The following TRMO variants were observed in gnomAD, a reference collection of about 807,000 sequenced individuals.
TRMO encodes the protein tRNA (adenine(37)-N6)-methyltransferase.
In TRMO, 30 loss-of-function variants were observed where a neutral mutation model predicts 37.2. That is an observed-to-expected ratio of 0.81 (90% CI 0.60 to 1.09). The LOEUF is 1.09. TRMO is among the 50% of genes least tolerant of loss of function. TRMO has a pLI of 0.00. For missense variants in TRMO, 552 were observed against 549.5 expected (o/e 1.00, Z -0.05); for synonymous variants, 239 against 199.4 (o/e 1.20, Z -1.67).
rs867239957 is a variant in TRMO at position 97,904,755 on chromosome 9, G to A, written c.1304C>T (p.Ser435Phe). 6.2e-7 allele frequency: 1 copy of A among 1,613,992 alleles called. No individual in the cohort carries two copies. The highest frequency in any genetic ancestry group is 1.3e-5 in the African/African-American group (1 of 75,006). The change falls in exon 5 of 5, where the codon TCC becomes TTC. Residue 435 changes from serine to phenylalanine, a missense_variant. Ser to Phe is a radical substitution (Grantham distance 155). Transcript: ENST00000375119. ...EPVHMTGPVGSLVSLGS is the reference protein window; with the variant it reads ...EPVHMTGPVGFLVSLGS Reference sequence around the variant, plus strand: ...TCCTTAAGACCCTAGAGACACCAAGGACCCCACAGGGCCAGTCATATGAAC... The same window carrying A: ...TCCTTAAGACCCTAGAGACACCAAGAACCCCACAGGGCCAGTCATATGAAC...
downstream of TRMO, among the ~76,000 whole-genome samples, chr9:97,901,411 TA>T (rs1831167193): frequency 6.6e-6 from 1 of 151,892 alleles, no homozygotes; most frequent in African/African-American, 2.4e-5. Flanking sequence ...TCCCACTTAA[TA>T]AAGGACCAAA....
At chr9:97,916,631 T>C (rs1452277851) in intron 1 of TRMO, among the ~76,000 whole-genome samples, 4 of 151,506 alleles carry the variant, frequency 2.6e-5, no homozygotes. Flanking sequence ...ATACCTACTA[T>C]GACCATAATT....
chr9:97,913,053 T>C (rs895581176), intron 3 of TRMO: 21 of 617,174 alleles, frequency 3.4e-5, no homozygotes, highest in African/African-American at 3.2e-4. Flanking sequence ...GTGTGTTAAA[T>C]TGGAAAGTGT....
intron 4 of TRMO, among the ~76,000 whole-genome samples, chr9:97,908,444 C>T (rs1239335621): frequency 6.6e-6 from 1 of 150,836 alleles, no homozygotes; most frequent in Non-Finnish European, 1.5e-5. Flanking sequence ...AAAATATTAG[C>T]CAGGTGTTGT....
intron 3 of TRMO, chr9:97,912,968 C>T (rs1384306941): frequency 7.7e-7 from 1 of 1,299,208 alleles, no homozygotes; most frequent in African/African-American, 1.5e-5. Flanking sequence ...CTGTCCATTT[C>T]CCCAAGGCTG....
intron 4 of TRMO, among the ~76,000 whole-genome samples, chr9:97,906,228 T>G (rs1026232781): frequency 6.6e-6 from 1 of 152,096 alleles, no homozygotes; most frequent in Non-Finnish European, 1.5e-5. Flanking sequence ...AAAATGGCTC[T>G]GAAGGCCACT....
At chr9:97,909,889 C>T in intron 4 of TRMO, 71 bp downstream of exon 4, 2 of 1,231,992 alleles carry the variant, frequency 1.6e-6, no homozygotes, top group Non-Finnish European at 1.1e-6. Context: ...CCTGCCTTCA[C>T]AAATACCAAA....
chr9:97,900,942 G>T (rs1831155352), downstream of TRMO: 2 of 152,448 alleles, frequency 1.3e-5, no homozygotes, highest in Admixed American at 6.6e-5. Flanking sequence ...CCACATGCTG[G>T]AATAATCAAT....
intron 1 of TRMO, among the ~76,000 whole-genome samples, chr9:97,916,927 T>C (rs1256780024): frequency 6.6e-6 from 1 of 151,638 alleles, no homozygotes; most frequent in African/African-American, 2.4e-5. Flanking sequence ...TTGGTCAGGT[T>C]GGTCTTGAAC....
rs1480960530 is a variant in TRMO, at chr9:97,913,564, G to C, written c.252-6C>G. On this transcript the variant is annotated splice_polypyrimidine_tract_variant and splice_region_variant and intron_variant, in intron 2 of 4. Transcript: ENST00000375119. Reference sequence around the variant, plus strand: ...TGTGAAAAACAAACAAAATCCTATAGAAAACAAAACAAAACAAACCACGGA... The same window carrying C: ...TGTGAAAAACAAACAAAATCCTATACAAAACAAAACAAAACAAACCACGGA... The C allele has an allele frequency of 1.1e-5, 18 of 1,586,536 alleles. No homozygotes were observed. The highest frequency in any genetic ancestry group is 1.5e-5 in the Non-Finnish European group (17 of 1,158,122).
At chr9:97,901,801 A>T (rs1831175573), downstream of TRMO, among the ~76,000 whole-genome samples, 1 of 151,764 alleles carries the variant, frequency 6.6e-6, no homozygotes, top group Non-Finnish European at 1.5e-5. Context: ...TTTCCAAGAC[A>T]TAAAGAAACA....
At position 97,913,407 on chromosome 9, in the gene TRMO, C is replaced by T; in HGVS notation, c.403G>A (p.Val135Ile). 3 of 1,613,884 alleles carry T rather than the reference C, an allele frequency of 1.9e-6. No homozygotes were observed. Among genetic ancestry groups the T allele is most frequent in the Non-Finnish European group, 2.5e-6 (3 of 1,179,922 alleles). ...TAGAAATGAAATGGGTTACCTTCTA[C>T]CTTTTCCAGCTTGGCCAGGGTCAGT... ...IGLTLAKLEKVEGGAIYLSGI... is the reference protein window; with the variant it reads ...IGLTLAKLEKIEGGAIYLSGI... The change falls in exon 3 of 5, where the codon GTA becomes ATA. Residue 135 changes from valine (V) to isoleucine (I), a missense_variant. Physicochemically the swap from Val to Ile is conservative, Grantham distance 29. Coordinates refer to ENST00000375119, the MANE Select transcript of TRMO (RefSeq NM_016481.5).
chr9:97,922,268 T>A (rs1462181738), intron 1 of TRMO, 150 bp downstream of exon 1: 13 of 617,260 alleles, frequency 2.1e-5, no homozygotes, highest in Non-Finnish European at 3.4e-5. Context: ...TCACGTGGTC[T>A]CCGCAGCACG....
At chr9:97,911,166 C>T in intron 3 of TRMO, 1 of 234,738 alleles carries the variant, frequency 4.3e-6, no homozygotes, top group South Asian at 4.0e-5. Flanking sequence ...TATAATCCTT[C>T]CCCTTGAGTG....
chr9:97,922,071 T>C (rs966366534), intron 1 of TRMO, among the ~76,000 whole-genome samples: 3 of 152,190 alleles, frequency 2.0e-5, no homozygotes, highest in Non-Finnish European at 2.9e-5. Context: ...TGCCTCTCTA[T>C]GGCATTTATT....
downstream of TRMO, among the ~76,000 whole-genome samples, chr9:97,899,675 C>A (rs919153283): frequency 6.6e-6 from 1 of 152,114 alleles, no homozygotes; most frequent in Non-Finnish European, 1.5e-5. Flanking sequence ...CACTTGAGGC[C>A]AGGAGTTCGG....
intron 4 of TRMO, among the ~76,000 whole-genome samples, chr9:97,906,267 CCT>C (rs751262857): frequency 6.6e-6 from 1 of 152,186 alleles, no homozygotes; most frequent in Non-Finnish European, 1.5e-5. Flanking sequence ...ATCACACTCC[CCT>C]GTGACGGCGT....
At chr9:97,896,910 C>T in the TRMO span, among the ~76,000 whole-genome samples, 1 of 152,160 alleles carries the variant, frequency 6.6e-6, no homozygotes, top group Non-Finnish European at 1.5e-5. Context: ...ATAATGCATG[C>T]TTGTGATTAG....
chr9:97,918,625 A>G (rs187352902), intron 1 of TRMO, among the ~76,000 whole-genome samples: 24 of 152,306 alleles, frequency 1.6e-4, no homozygotes, highest in African/African-American at 5.5e-4. Flanking sequence ...ATAAGCAGTA[A>G]GACTATAGGT....
Sources: allele counts gnomAD v4.1 joint callset (sites outside exome capture counted in the v4.1 genomes callset), GRCh38; gene constraint gnomAD v4.1.1; transcripts MANE v1.5; gene names NCBI Gene and HGNC (gene_info 2026-07-23, HGNC 2026-07-21).